The following POLE variants were observed in gnomAD, a reference collection of about 807,000 sequenced individuals.
POLE encodes the protein DNA polymerase epsilon, catalytic subunit.
In POLE, 188 loss-of-function variants were observed where a neutral mutation model predicts 279.2. The ratio of observed to expected loss-of-function variants is 0.67; its 90% confidence interval spans 0.60 to 0.76. The LOEUF (loss-of-function observed/expected upper bound fraction) is 0.76, where lower values mean the gene tolerates loss of function less well. Ranked by LOEUF, POLE falls within the 30% of genes least tolerant of loss-of-function variation. POLE has a pLI of 0.00. For synonymous variants in POLE, 1,214 were observed against 1,172.5 expected (o/e 1.04, Z -0.72); for missense variants, 2,703 against 3,016.7 (o/e 0.90, Z 2.44).
intron 28 of POLE, 28 bp downstream of exon 28, chr12:132,657,321 C>A (rs751112471): frequency 2.5e-6 from 4 of 1,614,120 alleles, no homozygotes; most frequent in Non-Finnish European, 3.4e-6. Flanking sequence ...TTTAGCCCCA[C>A]AGCCCGTGCC....
chr12:132,635,666 TC>T (rs2042016937), intron 42 of POLE, among the ~76,000 whole-genome samples: 1 of 152,230 alleles, frequency 6.6e-6, no homozygotes, highest in South Asian at 2.1e-4. Context: ...GGCCTCCACC[TC>T]CCTGTTGCCC....
Position 132,679,357 on chromosome 12 carries a change from G to C in POLE, c.578+140C>G, listed in dbSNP as rs990504174. On this transcript the variant is annotated intron_variant, in intron 6 of 48. Coordinates refer to ENST00000320574, the MANE Select transcript of POLE (RefSeq NM_006231.4). ...CTGTTTATTTAACACAGAACATACAGAAATCTCTACCTAATTGCTCAAGTT... is the reference window on the plus strand; with the variant it reads ...CTGTTTATTTAACACAGAACATACACAAATCTCTACCTAATTGCTCAAGTT... The C allele has an allele frequency of 5.2e-6, 4 of 775,452 alleles. No homozygotes were observed. In the African/African-American group the frequency reaches 6.9e-5, roughly 13 times the overall value. 48.0% of individuals were successfully genotyped at this position (775,452 alleles called of 1,614,324 possible).
chr12:132,659,172 G>T, intron 26 of POLE, 123 bp downstream of exon 26: 1 of 1,000,286 alleles, frequency 1.0e-6, no homozygotes, highest in Non-Finnish European at 1.5e-6. Flanking sequence ...TTACCTCTCC[G>T]TGACAGGGCA....
chr12:132,635,977 C>T lies in POLE; in HGVS notation c.5726G>A (p.Arg1909Gln), dbSNP rs201455049. 44 of 1,613,934 alleles carry T rather than the reference C, an allele frequency of 2.7e-5. No individual in the cohort carries two copies. The highest frequency in any genetic ancestry group is 6.6e-5 in the South Asian group (6 of 91,070). ...CATCCAGAGAAGAAATTCCCAGCAT[C>T]GAGAGAAAGAAATTGTCAGAGAATG... Reference protein sequence around the residue: ...TFHSLTISFSRCWEFLLWMDP... With the variant: ...TFHSLTISFSQCWEFLLWMDP... The change falls in exon 42 of 49, where the codon CGA becomes CAA. Residue 1909 changes from arginine (R) to glutamine (Q), a missense_variant. Arg to Gln is a conservative substitution (Grantham distance 43). Coordinates refer to ENST00000320574, the MANE Select transcript of POLE (RefSeq NM_006231.4).
At chr12:132,626,835 T>C (rs2041849561) in intron 45 of POLE, among the ~76,000 whole-genome samples, 1 of 152,256 alleles carries the variant, frequency 6.6e-6, no homozygotes, top group Non-Finnish European at 1.5e-5. Flanking sequence ...AAATGGTTCT[T>C]GAATACAAGC....
intron 6 of POLE, 61 bp downstream of exon 6, chr12:132,679,436 G>A: frequency 6.6e-7 from 1 of 1,514,230 alleles, no homozygotes; most frequent in Middle Eastern, 2.1e-4. Flanking sequence ...ACGTGTTCCT[G>A]TCTCCTATCC....
At chr12:132,665,493 T>C in intron 20 of POLE, 43 bp from the exon 21 acceptor site, 10 of 1,573,626 alleles carry the variant, frequency 6.4e-6, no homozygotes, top group Non-Finnish European at 8.6e-6. Context: ...GATTCTTCCA[T>C]TTCACATTCT....
intron 1 of POLE, among the ~76,000 whole-genome samples, chr12:132,681,805 T>C (rs1565982320): frequency 2.0e-5 from 3 of 152,336 alleles, no homozygotes; most frequent in East Asian, 3.9e-4. Context: ...CACTGTTGCC[T>C]CTTGGGACAC....
chr12:132,643,590 G>C (rs1344859947), intron 33 of POLE, 30 bp from the exon 34 acceptor site: 1 of 1,612,858 alleles, frequency 6.2e-7, no homozygotes, highest in Non-Finnish European at 8.5e-7. Context: ...AGGCCGGCAA[G>C]GGCTGGATGG....
chr12:132,650,011 G>A lies in POLE; in HGVS notation c.3583-122C>T. 3 of 773,624 alleles carry A rather than the reference G, an allele frequency of 3.9e-6. No individual in the cohort carries two copies. In the South Asian group the frequency reaches 5.2e-5, roughly 13 times the overall value. 47.9% of individuals were successfully genotyped at this position (773,624 alleles called of 1,614,324 possible). The stretch of plus-strand genomic sequence containing the variant: ...GAATTGCTTGGGGCCAGGAGTTTGA[G>A]ACCAGCCTGGGTAACAGCAAGACCC... On this transcript the variant is annotated intron_variant, in intron 29 of 48. Transcript: ENST00000320574.
In POLE at chr12:132,664,817, G is replaced by C. The variant is rs563952357; in HGVS notation, c.2469-355C>G. On this transcript the variant is annotated intron_variant, in intron 21 of 48. Transcript: ENST00000320574. The surrounding 1 kb of genome is among the most constrained non-coding windows in gnomAD (Gnocchi z 5.3). ...CCATTCTCACCTCCAGCTTCTCAGA[G>C]AAAGCCCAGGCCTAGCTGCCAGGCC... is the stretch of plus-strand genomic sequence containing the variant. Among the ~76,000 whole-genome samples, 3 of 151,946 alleles carry C rather than the reference G, an allele frequency of 2.0e-5. No homozygotes were observed. Among genetic ancestry groups the C allele is most frequent in the Non-Finnish European group, 4.4e-5 (3 of 67,994 alleles).
chr12:132,652,513 G>A (rs1477392409), intron 29 of POLE, among the ~76,000 whole-genome samples: 3 of 151,548 alleles, frequency 2.0e-5, no homozygotes, highest in South Asian at 2.1e-4. Context: ...TTGTAGAGAC[G>A]AGACCTCCCT....
At chr12:132,666,734 G>A (rs975002978) in intron 20 of POLE, among the ~76,000 whole-genome samples, 1 of 152,172 alleles carries the variant, frequency 6.6e-6, no homozygotes, top group African/African-American at 2.4e-5. Context: ...GGGAGCTACT[G>A]TTTGATGGAG....
rs1261665227 is a variant in POLE, at chr12:132,682,303, AAT to A, written c.63-1026_63-1025del. Among the ~76,000 whole-genome samples the A allele has an allele frequency of 3.5e-3, 333 of 94,352 alleles. 3 individuals carry two copies. The highest frequency in any genetic ancestry group is 0.02 in the East Asian group (83 of 4,132). The allele number at this position is 94,352 out of a possible 152,430, so 61.9% of individuals were successfully genotyped here. On this transcript the variant is annotated intron_variant, in intron 1 of 48. Transcript: ENST00000320574. ...AGCGAGACTCCGGCAAAAAAAAAAA[AAT>A]AAATAAAAATAAATAAATAAATAAA...
rs374920539 is a variant in POLE at position 132,673,657 on chromosome 12, G to A, written c.1277C>T (p.Ala426Val). 24 of 1,613,796 alleles carry A rather than the reference G, an allele frequency of 1.5e-5. No individual in the cohort carries two copies. The highest frequency in any genetic ancestry group is 5.0e-5 in the Admixed American group (3 of 60,008). ...YLPVGSHNLKAAAKAKLGYDP... is the reference protein window; with the variant it reads ...YLPVGSHNLKVAAKAKLGYDP... Reference sequence around the variant, plus strand: ...ATAGCCTAGCTTGGCCTTGGCGGCCGCCTTGAGATTATGACTGCCCACAGG... The same window carrying A: ...ATAGCCTAGCTTGGCCTTGGCGGCCACCTTGAGATTATGACTGCCCACAGG... Residue 426 changes from alanine to valine, a missense_variant, in exon 13 of 49, where the codon GCG becomes GTG. Ala to Val is a moderately conservative substitution (Grantham distance 64). Transcript: ENST00000320574.
chr12:132,648,725 G>A (rs1437450832), intron 32 of POLE: 1 of 523,460 alleles, frequency 1.9e-6, no homozygotes, highest in Non-Finnish European at 3.3e-6. Context: ...CAAGCTCATC[G>A]TGACAAGGAC....
At chr12:132,685,616 T>G (rs1369192230) in intron 1 of POLE, among the ~76,000 whole-genome samples, 1 of 152,240 alleles carries the variant, frequency 6.6e-6, no homozygotes. Context: ...ATCACTGAGC[T>G]TGGGGCAGGG....
intron 45 of POLE, among the ~76,000 whole-genome samples, chr12:132,631,962 C>T (rs928401752): frequency 6.6e-6 from 1 of 152,220 alleles, no homozygotes; most frequent in Non-Finnish European, 1.5e-5. Flanking sequence ...CAAGGCAGGA[C>T]CTTTCCTGTC....
At chr12:132,632,595 C>T (rs979527131) in intron 44 of POLE, 69 bp downstream of exon 44, 2 of 1,610,286 alleles carry the variant, frequency 1.2e-6, no homozygotes, top group Admixed American at 3.3e-5. Context: ...CCGGGGACCA[C>T]CCATGGCACA....
Sources: allele counts gnomAD v4.1 joint callset (sites outside exome capture counted in the v4.1 genomes callset), GRCh38; gene constraint gnomAD v4.1.1; non-coding constraint Gnocchi (gnomAD v3.1); transcripts MANE v1.5; gene names NCBI Gene and HGNC (gene_info 2026-07-23, HGNC 2026-07-21).